TMC1: variants seen among roughly 807,000 people sequenced by gnomAD.
The protein encoded by TMC1 is transmembrane channel-like protein 1.
TMC1 carries 84 observed loss-of-function variants against 105.8 expected under a neutral mutation model. The ratio of observed to expected loss-of-function variants is 0.79; its 90% CI spans 0.67 to 0.95. The LOEUF is 0.95. Ranked by LOEUF, TMC1 falls within the 40% of genes least tolerant of loss-of-function variation. The probability of loss-of-function intolerance (pLI) is 0.00; values close to 1 mark genes in which losing one functional copy is unlikely to be tolerated. For missense variants in TMC1, 817 were observed against 914.1 expected (o/e 0.89, Z 1.37); for synonymous variants, 315 against 311.5 (o/e 1.01, Z -0.12).
chr9:72,626,413 A>G (rs1161242231), intron 3 of TMC1, among the ~76,000 whole-genome samples: 8 of 152,176 alleles, frequency 5.3e-5, no homozygotes, highest in African/African-American at 1.2e-4. Context: ...AAAGTGCTTG[A>G]AGTCATTTGA....
At chr9:72,632,912 A>G (rs2132136900) in intron 4 of TMC1, among the ~76,000 whole-genome samples, 1 of 152,268 alleles carries the variant, frequency 6.6e-6, no homozygotes, top group Admixed American at 6.5e-5. Context: ...ATTATGAGGC[A>G]GTTATTTAAG....
chr9:72,563,014 T>C (rs1824084900), intron 1 of TMC1, among the ~76,000 whole-genome samples: 1 of 152,182 alleles, frequency 6.6e-6, no homozygotes, highest in Non-Finnish European at 1.5e-5. Context: ...ATGTGGCATT[T>C]GAACTGTCTT....
chr9:72,624,755 T>A (rs890755195), intron 3 of TMC1, among the ~76,000 whole-genome samples: 1 of 152,192 alleles, frequency 6.6e-6, no homozygotes, highest in African/African-American at 2.4e-5. Context: ...ATTCAGGTGG[T>A]ACAGCTGCTC....
intron 21 of TMC1, among the ~76,000 whole-genome samples, chr9:72,829,860 T>G (rs1829013568): frequency 6.6e-6 from 1 of 152,252 alleles, no homozygotes; most frequent in Admixed American, 6.5e-5. Context: ...CTTTCTAGAA[T>G]GTAAATGTCA....
At chr9:72,634,371 A>G (rs1046077274) in intron 4 of TMC1, among the ~76,000 whole-genome samples, 2 of 152,354 alleles carry the variant, frequency 1.3e-5, no homozygotes, top group African/African-American at 4.8e-5. Flanking sequence ...ATTCTTGAGC[A>G]GTAACTATTA....
At chr9:72,659,996 C>T (rs2132160007) in intron 5 of TMC1, among the ~76,000 whole-genome samples, 1 of 152,260 alleles carries the variant, frequency 6.6e-6, no homozygotes. Flanking sequence ...TTTTCTACCC[C>T]TGAGTGCTAA....
chr9:72,751,535 C>T (rs1036415614), intron 10 of TMC1, among the ~76,000 whole-genome samples: 3 of 152,190 alleles, frequency 2.0e-5, no homozygotes, highest in African/African-American at 7.2e-5. Context: ...ATAAAATGCA[C>T]TCTGCAGGTG....
At chr9:72,668,446 A>C (rs1826077421) in intron 5 of TMC1, among the ~76,000 whole-genome samples, 1 of 152,226 alleles carries the variant, frequency 6.6e-6, no homozygotes, top group Non-Finnish European at 1.5e-5. Context: ...TGAGTGAATT[A>C]ACGAGTGAAT....
chr9:72,832,443 C>T (rs149699670), intron 23 of TMC1, among the ~76,000 whole-genome samples: 174 of 152,286 alleles, frequency 1.1e-3, no homozygotes, highest in African/African-American at 3.9e-3. Flanking sequence ...CTCCTCCTTT[C>T]AGATTGGCCC....
intron 20 of TMC1, among the ~76,000 whole-genome samples, chr9:72,824,159 G>A (rs899037774): frequency 1.6e-4 from 24 of 152,238 alleles, no homozygotes; most frequent in African/African-American, 2.2e-4. Flanking sequence ...TGTGGGGCCC[G>A]TGGCCAGACC....
chr9:72,680,086 C>A (rs1055216422), intron 5 of TMC1, among the ~76,000 whole-genome samples: 25 of 152,052 alleles, frequency 1.6e-4, no homozygotes, highest in African/African-American at 5.8e-4. Context: ...AAGCATTGTT[C>A]CAACTAACAA....
intron 4 of TMC1, among the ~76,000 whole-genome samples, chr9:72,645,485 C>T (rs983408732): frequency 4.6e-5 from 7 of 152,090 alleles, no homozygotes; most frequent in African/African-American, 1.7e-4. Flanking sequence ...AAGAGCAGAC[C>T]AGTCAAGAGC....
chr9:72,742,614 TTTGGG>T, intron 10 of TMC1, 89 bp downstream of exon 10: 2 of 1,122,282 alleles, frequency 1.8e-6, no homozygotes, highest in Non-Finnish European at 1.3e-6. Context: ...TTTCTGGACT[TTTGGG>T]AAGACTAGAA....
chr9:72,801,592 T>C (rs1425722284), intron 17 of TMC1, among the ~76,000 whole-genome samples: 1 of 152,238 alleles, frequency 6.6e-6, no homozygotes, highest in Non-Finnish European at 1.5e-5. Context: ...TCCTTGCCTA[T>C]TGTTTTCCCT....
intron 1 of TMC1, among the ~76,000 whole-genome samples, chr9:72,575,511 G>A (rs1189675314): frequency 1.3e-5 from 2 of 152,244 alleles, no homozygotes; most frequent in East Asian, 1.9e-4. Context: ...ATACCATGTC[G>A]TTAAATTTGC....
intron 1 of TMC1, among the ~76,000 whole-genome samples, chr9:72,568,201 C>T (rs1056423633): frequency 1.3e-5 from 2 of 151,722 alleles, no homozygotes; most frequent in Non-Finnish European, 2.9e-5. Context: ...CACTTCTCAA[C>T]CCCCCAAACT....
intron 10 of TMC1, 34 bp downstream of exon 10, chr9:72,742,559 T>C (rs769486214): frequency 1.6e-5 from 25 of 1,559,850 alleles, no homozygotes; most frequent in Non-Finnish European, 2.0e-5. Flanking sequence ...TGGAGAAGGT[T>C]GTCTTAGAGA....
intron 2 of TMC1, among the ~76,000 whole-genome samples, chr9:72,597,273 A>G (rs1824735898): frequency 6.6e-6 from 1 of 152,266 alleles, no homozygotes; most frequent in Non-Finnish European, 1.5e-5. Context: ...TGCTGTTCAC[A>G]TGCGGCCGGA....
intron 2 of TMC1, among the ~76,000 whole-genome samples, chr9:72,587,402 C>T (rs1824571939): frequency 6.6e-6 from 1 of 152,158 alleles, no homozygotes. Flanking sequence ...AGATGATCCA[C>T]CCACCTCGGT....
Sources: allele counts gnomAD v4.1 joint callset (sites outside exome capture counted in the v4.1 genomes callset), GRCh38; gene constraint gnomAD v4.1.1; transcripts MANE v1.5; gene names NCBI Gene and HGNC (gene_info 2026-07-23, HGNC 2026-07-21).